Variants in WDR7 observed in about 807,000 individuals in gnomAD.
WDR7 encodes WD repeat domain 7, also known as WD repeat-containing protein 7.
WDR7 carries 46 observed loss-of-function variants against 169.4 expected under a neutral mutation model. The ratio of observed to expected loss-of-function variants is 0.27; its 90% CI spans 0.21 to 0.35. The LOEUF (loss-of-function observed/expected upper bound fraction) is 0.35. WDR7 is among the 10% of genes least tolerant of loss of function. The pLI, the probability that WDR7 is intolerant of heterozygous loss-of-function variation, is 1.00. For missense variants in WDR7, 1,534 were observed against 1,859.3 expected, an observed-to-expected ratio of 0.83 and a Z score of 3.22; for synonymous variants, 612 against 666.8, an observed-to-expected ratio of 0.92 and a Z score of 1.27.
chr18:56,863,759 T>G (rs1256988796), intron 20 of WDR7, among the ~76,000 whole-genome samples: 1 of 151,806 alleles, frequency 6.6e-6, no homozygotes, highest in Non-Finnish European at 1.5e-5. Flanking sequence ...CTGTTTTTCT[T>G]GAATTTTCCC....
intron 26 of WDR7, among the ~76,000 whole-genome samples, chr18:56,990,321 C>G (rs1024453110): frequency 6.6e-6 from 1 of 152,200 alleles, no homozygotes; most frequent in Non-Finnish European, 1.5e-5. Flanking sequence ...TTGGAGCAAT[C>G]AGGGAATCAG....
At chr18:56,760,601 C>T (rs2043967095) in intron 16 of WDR7, among the ~76,000 whole-genome samples, 1 of 152,018 alleles carries the variant, frequency 6.6e-6, no homozygotes, top group South Asian at 2.1e-4. Context: ...GGATTGTGTC[C>T]AGCATTTGGT....
chr18:56,849,452 G>GTGTC (rs1180090968), intron 20 of WDR7, among the ~76,000 whole-genome samples: 1 of 152,080 alleles, frequency 6.6e-6, no homozygotes, highest in Non-Finnish European at 1.5e-5. Context: ...AAGCTTCCTT[G>GTGTC]TGTCCAACCA....
chr18:56,837,219 G>A (rs1235807940), intron 20 of WDR7, among the ~76,000 whole-genome samples: 1 of 152,204 alleles, frequency 6.6e-6, no homozygotes, highest in African/African-American at 2.4e-5. Flanking sequence ...CAACTATTCA[G>A]ATAAAGCTTT....
intron 16 of WDR7, among the ~76,000 whole-genome samples, chr18:56,764,064 TTTA>T (rs2044024184): frequency 7.9e-6 from 1 of 126,690 alleles, no homozygotes; most frequent in South Asian, 2.5e-4. Flanking sequence ...TTGATTATTA[TTTA>T]TTTTTTCTAT....
At chr18:57,019,530 A>G (rs969908884) in intron 26 of WDR7, among the ~76,000 whole-genome samples, 11 of 151,950 alleles carry the variant, frequency 7.2e-5, no homozygotes, top group African/African-American at 2.7e-4. Flanking sequence ...TTTTTTTTTG[A>G]GTGTTAGAAA....
chr18:56,744,224 G>A (rs2043666178), intron 14 of WDR7, among the ~76,000 whole-genome samples: 1 of 137,768 alleles, frequency 7.3e-6, no homozygotes, highest in South Asian at 2.4e-4. Flanking sequence ...GGGTGACAGA[G>A]CGAGACTCCG....
intron 19 of WDR7, among the ~76,000 whole-genome samples, chr18:56,796,482 A>G (rs2044587617): frequency 6.6e-6 from 1 of 152,180 alleles, no homozygotes; most frequent in African/African-American, 2.4e-5. Context: ...AAACTCTACA[A>G]AGCCTCAGCT....
chr18:56,925,796 TG>T (rs1295041576), intron 22 of WDR7, among the ~76,000 whole-genome samples: 3 of 152,188 alleles, frequency 2.0e-5, no homozygotes, highest in African/African-American at 4.8e-5. Context: ...CCTAAACAGC[TG>T]CTGCCTGCCC....
intron 26 of WDR7, among the ~76,000 whole-genome samples, chr18:56,964,778 C>A (rs1280053315): frequency 6.6e-6 from 1 of 152,090 alleles, no homozygotes; most frequent in Non-Finnish European, 1.5e-5. Flanking sequence ...TATTGAATAA[C>A]CTTTACCTTC....
chr18:56,829,543 A>G (rs1020720115), intron 20 of WDR7, among the ~76,000 whole-genome samples: 18 of 152,164 alleles, frequency 1.2e-4, no homozygotes, highest in African/African-American at 2.9e-4. Flanking sequence ...ACTCCCTTGT[A>G]TAACAGATTT....
chr18:56,743,232 G>A (rs1008047426), intron 14 of WDR7, among the ~76,000 whole-genome samples: 2 of 152,130 alleles, frequency 1.3e-5, no homozygotes, highest in African/African-American at 4.8e-5. Flanking sequence ...GTGAGTATGA[G>A]GTTCTTATGG....
intron 1 of WDR7, among the ~76,000 whole-genome samples, chr18:56,659,917 G>A (rs561890691): frequency 1.3e-5 from 2 of 152,184 alleles, no homozygotes; most frequent in East Asian, 3.9e-4. Context: ...AGCAAAGATG[G>A]AAACAGGGAG....
chr18:56,882,508 C>G (rs1312618378), intron 21 of WDR7, among the ~76,000 whole-genome samples: 2 of 152,136 alleles, frequency 1.3e-5, no homozygotes, highest in African/African-American at 4.8e-5. Context: ...CTAATATATT[C>G]AGTAGAATAT....
intron 12 of WDR7, among the ~76,000 whole-genome samples, chr18:56,706,421 G>C (rs534438507): frequency 6.6e-6 from 1 of 152,170 alleles, no homozygotes; most frequent in Non-Finnish European, 1.5e-5. Flanking sequence ...GAACCAAACA[G>C]ACCTGGATTT....
intron 24 of WDR7, among the ~76,000 whole-genome samples, 168 bp downstream of exon 24, chr18:56,938,850 A>C (rs1224797901): frequency 6.8e-6 from 1 of 146,822 alleles, no homozygotes; most frequent in Non-Finnish European, 1.5e-5. Flanking sequence ...TGTAAGAGAG[A>C]GATAACTAAA....
intron 26 of WDR7, among the ~76,000 whole-genome samples, chr18:56,978,898 C>T (rs1307568718): frequency 6.6e-6 from 1 of 152,154 alleles, no homozygotes; most frequent in Non-Finnish European, 1.5e-5. Context: ...AAATAACATA[C>T]TGTATGAGGA....
chr18:56,664,008 AAAAG>A (rs1310138434), intron 1 of WDR7, among the ~76,000 whole-genome samples: 2 of 152,176 alleles, frequency 1.3e-5, no homozygotes, highest in Non-Finnish European at 2.9e-5. Flanking sequence ...GTACCAGAAA[AAAAG>A]AGAGTGCATT....
At chr18:56,829,429 C>T (rs2045271203) in intron 20 of WDR7, among the ~76,000 whole-genome samples, 1 of 152,118 alleles carries the variant, frequency 6.6e-6, no homozygotes, top group Admixed American at 6.5e-5. Flanking sequence ...TGTGGAAAGT[C>T]TCCGTGACTG....
Sources: allele counts gnomAD v4.1 joint callset (sites outside exome capture counted in the v4.1 genomes callset), GRCh38; gene constraint gnomAD v4.1.1; transcripts MANE v1.5; gene names NCBI Gene and HGNC (gene_info 2026-07-23, HGNC 2026-07-21).